ANKRD16: variants seen among roughly 807,000 people sequenced by gnomAD.
ANKRD16 encodes ankyrin repeat domain 16, also known as ankyrin repeat domain-containing protein 16.
A neutral mutation model predicts 37.9 loss-of-function variants in ANKRD16; 35 were observed. That is an observed-to-expected ratio of 0.92 (90% CI 0.71 to 1.23). The LOEUF (loss-of-function observed/expected upper bound fraction) is 1.23, where lower values mean the gene tolerates loss of function less well. Ranked by LOEUF, ANKRD16 falls within the 50% of genes most tolerant of loss-of-function variation. The probability of loss-of-function intolerance (pLI) is 0.00; values close to 1 mark genes in which losing one functional copy is unlikely to be tolerated. For synonymous variants in ANKRD16, 206 were observed against 197.2 expected (o/e 1.04, Z -0.37); for missense variants, 480 against 469.9 (o/e 1.02, Z -0.20).
Position 5,871,034 on chromosome 10 carries a change from C to G in ANKRD16, c.*33+7063G>C, listed in dbSNP as rs562592821. On this transcript the variant is annotated intron_variant, in intron 7 of 7. Transcript: ENST00000380094. This position sits in a 1 kb window ranked among gnomAD's most constrained non-coding sequence, Gnocchi z 4.5. ...TCACACAGGCCAATCAAGTCCCTGT[C>G]GTCACCACGATTGGCAGAGGCCAGC... Among the ~76,000 whole-genome samples, 1 of 152,190 alleles carries G rather than the reference C, an allele frequency of 6.6e-6. No individual in the cohort carries two copies. The highest frequency in any genetic ancestry group is 1.5e-5 in the Non-Finnish European group (1 of 68,032).
Position 5,868,067 on chromosome 10 carries a change from G to A in ANKRD16, c.*34-5376C>T, listed in dbSNP as rs373118015. On this transcript the variant is annotated intron_variant, in intron 7 of 7. Transcript: ENST00000380094. The surrounding 1 kb of genome is among the most constrained non-coding windows in gnomAD (Gnocchi z 4.9). ...CTCTTATACCAACCTCTGGAGTTGG[G>A]TGACATGACTTCTCCCCTTTCTAGG... Among the ~76,000 whole-genome samples, 82 of 152,324 alleles carry A rather than the reference G, an allele frequency of 5.4e-4. 1 individual carries two copies. In the East Asian group the frequency reaches 0.01, roughly 19 times the overall value.
chr10:5,883,133 T>C lies in ANKRD16; in HGVS notation c.722A>G (p.Gln241Arg), dbSNP rs771813297. Residue 241 changes from glutamine (Q) to arginine (R), a missense_variant, in exon 5 of 8, where the codon CAG becomes CGG. Transcript: ENST00000380094. ...CLSAEDSLGAQALHRAAVTGQ... is the reference protein window; with the variant it reads ...CLSAEDSLGARALHRAAVTGQ... Reference sequence around the variant, plus strand: ...TGTGACAGCTGCCCTGTGCAGAGCCTGGGCACCCAGGCTGTCTTCTGCTGA... The same window carrying C: ...TGTGACAGCTGCCCTGTGCAGAGCCCGGGCACCCAGGCTGTCTTCTGCTGA... 12 of 1,613,988 alleles carry C rather than the reference T, an allele frequency of 7.4e-6. No individual in the cohort carries two copies. The highest frequency in any genetic ancestry group is 1.0e-5 in the Non-Finnish European group (12 of 1,180,014).
intron 7 of ANKRD16, among the ~76,000 whole-genome samples, chr10:5,875,531 C>T (rs1163512476): frequency 6.6e-6 from 1 of 152,116 alleles, no homozygotes; most frequent in African/African-American, 2.4e-5. Flanking sequence ...GTGGCCTGGG[C>T]AGGCCTCGCT....
In ANKRD16 at chr10:5,861,755, T is replaced by G. The variant is rs1841943692; in HGVS notation, c.*970A>C. On this transcript the variant is annotated 3_prime_UTR_variant, in exon 8 of 8. Coordinates refer to ENST00000380094, the MANE Select transcript of ANKRD16 (RefSeq NM_019046.3). ...GTGGCTTAGATGAAATGTCTTTTTT[T>G]TTTTTGGTTATCAGATAACCCTTTG... The G allele has an allele frequency of 6.6e-6, 1 of 152,146 alleles. No individual in the cohort carries two copies. Among genetic ancestry groups the G allele is most frequent in the Admixed American group, 6.6e-5 (1 of 15,266 alleles). 9.4% of individuals were successfully genotyped at this position (152,146 alleles called of 1,614,324 possible).
rs1018207571 is a variant in ANKRD16 at position 5,864,331 on chromosome 10, A to G, written c.*34-1640T>C. Among the ~76,000 whole-genome samples, 1 of 152,058 alleles carries G rather than the reference A, an allele frequency of 6.6e-6. No individual in the cohort carries two copies. Among genetic ancestry groups the G allele is most frequent in the African/African-American group, 2.4e-5 (1 of 41,378 alleles). On this transcript the variant is annotated intron_variant, in intron 7 of 7. Coordinates refer to ENST00000380094, the MANE Select transcript of ANKRD16 (RefSeq NM_019046.3). The surrounding 1 kb of genome is among the most constrained non-coding windows in gnomAD (Gnocchi z 4.4). ...CAAGCAAAGAAATCTCCAAGGGACC[A>G]CAACCTCCCCCCCACCCCTGCTATC...
At position 5,887,363 on chromosome 10, in the gene ANKRD16, G is replaced by A. The variant is rs1262302329; in HGVS notation, c.535+484C>T. ...TTAGAAATTGATTATATGCCAAAAGGCCCCTAGATGCTTTTTTTTTTTTTT... is the reference window on the plus strand; with the variant it reads ...TTAGAAATTGATTATATGCCAAAAGACCCCTAGATGCTTTTTTTTTTTTTT... On this transcript the variant is annotated intron_variant, in intron 2 of 7. Transcript: ENST00000380094. Among the ~76,000 whole-genome samples the A allele has an allele frequency of 2.8e-5, 4 of 140,414 alleles. No homozygotes were observed. In the East Asian group the frequency reaches 9.0e-4, roughly 32 times the overall value. 92.1% of individuals were successfully genotyped at this position (140,414 alleles called of 152,430 possible). A position where few individuals can be genotyped will look rare whatever the true frequency, so the allele number is the denominator to read the frequency against.
chr10:5,878,807 AG>A lies in ANKRD16; in HGVS notation c.929-521del, dbSNP rs1842229946. On this transcript the variant is annotated intron_variant, in intron 6 of 7. Transcript: ENST00000380094. The surrounding 1 kb of genome is among the most constrained non-coding windows in gnomAD (Gnocchi z 5.1). ...CCTCAAAAAAAAAAAAAAAAGAAAA[AG>A]AAACTTATCTAAAGCAAGAAGCAAC... 6.7e-6 allele frequency among the ~76,000 whole-genome samples: 1 copy of A among 148,464 alleles called. No individual in the cohort carries two copies. The highest frequency in any genetic ancestry group is 1.5e-5 in the Non-Finnish European group (1 of 66,778).
Position 5,889,379 on chromosome 10 carries a change from C to A in ANKRD16, c.-25G>T. 1.7e-6 allele frequency: 2 copies of A among 1,192,412 alleles called. No homozygotes were observed. Among genetic ancestry groups the A allele is most frequent in the Non-Finnish European group, 2.1e-6 (2 of 964,100 alleles). 73.9% of individuals were successfully genotyped at this position (1,192,412 alleles called of 1,614,324 possible). On this transcript the variant is annotated 5_prime_UTR_variant, in exon 1 of 8. Transcript: ENST00000380094. ...TCGCCGCGGGTCGGGCCGGGCTGCG[C>A]GGGGAGGCGGCGGGCGGGACACCGG... is the stretch of plus-strand genomic sequence containing the variant.
chr10:5,878,010 A>C lies in ANKRD16; in HGVS notation c.*33+87T>G. The stretch of plus-strand genomic sequence containing the variant: ...AGGAGTGGAACATGCAGGATGAGGG[A>C]AGGGAGGAAGTGGAGGAGATGGAAA... On this transcript the variant is annotated intron_variant, in intron 7 of 7. Coordinates refer to ENST00000380094, the MANE Select transcript of ANKRD16 (RefSeq NM_019046.3). The surrounding 1 kb of genome is among the most constrained non-coding windows in gnomAD (Gnocchi z 5.1). 1 of 1,383,440 alleles carries C rather than the reference A, an allele frequency of 7.2e-7. No individual in the cohort carries two copies. Among genetic ancestry groups the C allele is most frequent in the Non-Finnish European group, 9.9e-7 (1 of 1,012,306 alleles). The allele number at this position is 1,383,440 out of a possible 1,614,324, so 85.7% of individuals were successfully genotyped here.
In ANKRD16 at chr10:5,887,945, C is replaced by T. The variant is rs1470170495; in HGVS notation, c.437G>A (p.Arg146Gln). The T allele has an allele frequency of 1.9e-6, 3 of 1,614,186 alleles. No homozygotes were observed. The highest frequency in any genetic ancestry group is 4.5e-5 in the East Asian group (2 of 44,886). Residue 146 changes from arginine (R) to glutamine (Q), a missense_variant, in exon 2 of 8, where the codon CGA becomes CAA. By Grantham distance (43) the Arg-to-Gln change is conservative. Coordinates refer to ENST00000380094, the MANE Select transcript of ANKRD16 (RefSeq NM_019046.3). Reference protein sequence around the residue: ...DGWNSFHIASREGDPLILQYL... With the variant: ...DGWNSFHIASQEGDPLILQYL... ...CTGGAGGATCAGAGGGTCGCCTTCT[C>T]GACTGGCAATGTGGAAACTGTTCCA... is the stretch of plus-strand genomic sequence containing the variant.
rs1338310892 is a variant in ANKRD16, at chr10:5,870,575, T to C, written c.*33+7522A>G. 6.6e-6 allele frequency among the ~76,000 whole-genome samples: 1 copy of C among 152,170 alleles called. No homozygotes were observed. Among genetic ancestry groups the C allele is most frequent in the East Asian group, 1.9e-4 (1 of 5,200 alleles). On this transcript the variant is annotated intron_variant, in intron 7 of 7. Coordinates refer to ENST00000380094, the MANE Select transcript of ANKRD16 (RefSeq NM_019046.3). This position sits in a 1 kb window ranked among gnomAD's most constrained non-coding sequence, Gnocchi z 5.0. ...CACCACGCCCAGCTAATTTTTTGTA[T>C]TTTTTGTAGAGGCAGGGTCTCACCA...
Position 5,865,974 on chromosome 10 carries a change from T to C in ANKRD16, c.*34-3283A>G, listed in dbSNP as rs529502301. On this transcript the variant is annotated intron_variant, in intron 7 of 7. Coordinates refer to ENST00000380094, the MANE Select transcript of ANKRD16 (RefSeq NM_019046.3). The surrounding 1 kb of genome is among the most constrained non-coding windows in gnomAD (Gnocchi z 4.7). ...CAGTGGCATACCTAAGTAAGGAAAC[T>C]GATATAGTAGCAAAAGGCTGGCCTC... 1.3e-5 allele frequency among the ~76,000 whole-genome samples: 2 copies of C among 152,282 alleles called. No individual in the cohort carries two copies. The highest frequency in any genetic ancestry group is 6.5e-5 in the Admixed American group (1 of 15,300).
chr10:5,887,396 G>C (rs139803704), intron 2 of ANKRD16, among the ~76,000 whole-genome samples: 1 of 148,158 alleles, frequency 6.7e-6, no homozygotes, highest in African/African-American at 2.5e-5. Flanking sequence ...TTTTGAGATG[G>C]AGTTTTGCTC....
Position 5,864,870 on chromosome 10 carries a change from C to CA in ANKRD16, c.*34-2180_*34-2179insT, listed in dbSNP as rs1564412565. ...AGAAAATCCTTCTGCCTTCCTCGAG[C>CA]GGCTACGGGAGGCCTTAAGAAAATA... On this transcript the variant is annotated intron_variant, in intron 7 of 7. Transcript: ENST00000380094. This position sits in a 1 kb window ranked among gnomAD's most constrained non-coding sequence, Gnocchi z 4.4. 6.6e-6 allele frequency among the ~76,000 whole-genome samples: 1 copy of CA among 152,138 alleles called. No individual in the cohort carries two copies. The highest frequency in any genetic ancestry group is 2.4e-5 in the African/African-American group (1 of 41,426).
chr10:5,885,740 G>C lies in ANKRD16; in HGVS notation c.561C>G (p.Val187=). 4 of 1,608,158 alleles carry C rather than the reference G, an allele frequency of 2.5e-6. No individual in the cohort carries two copies. The highest frequency in any genetic ancestry group is 2.5e-6 in the Non-Finnish European group (3 of 1,178,518). ...GTTCTTACCTCTTAAGAAGCACCTT[G>C]ACTGCCTCCAAATGGCCATGCATTG... ...TAAMHGHLEA[V]KVLLKRCQYE... is the part of the protein sequence containing the mutation. Residue 187 remains valine (V), a synonymous_variant, in exon 3 of 8, where the codon GTC becomes GTG. Transcript: ENST00000380094.
intron 1 of ANKRD16, among the ~76,000 whole-genome samples, chr10:5,888,626 A>G (rs1298564341): frequency 1.3e-5 from 2 of 152,272 alleles, no homozygotes; most frequent in East Asian, 1.9e-4. Context: ...GAGCGCGTGT[A>G]TAACTCAGGA....
chr10:5,877,747 A>C (rs1390840469), intron 7 of ANKRD16, among the ~76,000 whole-genome samples: 4 of 152,216 alleles, frequency 2.6e-5, no homozygotes, highest in Admixed American at 2.6e-4. Context: ...ACCATGCAGC[A>C]GTTACTATAA....
At chr10:5,885,649 C>T in intron 3 of ANKRD16, 74 bp downstream of exon 3, 1 of 1,541,374 alleles carries the variant, frequency 6.5e-7, no homozygotes, top group Non-Finnish European at 8.9e-7. Context: ...TGTCTGAGCT[C>T]TTTATGTAGC....
At position 5,865,524 on chromosome 10, in the gene ANKRD16, G is replaced by A. The variant is rs1044041420; in HGVS notation, c.*34-2833C>T. 6.6e-6 allele frequency among the ~76,000 whole-genome samples: 1 copy of A among 152,182 alleles called. No individual in the cohort carries two copies. Among genetic ancestry groups the A allele is most frequent in the African/African-American group, 2.4e-5 (1 of 41,454 alleles). On this transcript the variant is annotated intron_variant, in intron 7 of 7. Transcript: ENST00000380094. This position sits in a 1 kb window ranked among gnomAD's most constrained non-coding sequence, Gnocchi z 4.7. ...TCCCAGACAGCTGTCCTTGAGGTCTGTTACCATCTGAGGCTCAGTGTTAAT... is the reference window on the plus strand; with the variant it reads ...TCCCAGACAGCTGTCCTTGAGGTCTATTACCATCTGAGGCTCAGTGTTAAT...
Sources: allele counts gnomAD v4.1 joint callset (sites outside exome capture counted in the v4.1 genomes callset), GRCh38; gene constraint gnomAD v4.1.1; non-coding constraint Gnocchi (gnomAD v3.1); transcripts MANE v1.5; gene names NCBI Gene and HGNC (gene_info 2026-07-23, HGNC 2026-07-21).